The following IFNAR1 variants were observed in gnomAD, a reference collection of about 807,000 sequenced individuals.
IFNAR1 encodes interferon alpha/beta receptor 1.
Under a neutral mutation model 62.1 loss-of-function variants are expected in IFNAR1, and 47 were observed. The ratio of observed to expected loss-of-function variants is 0.76; its 90% CI spans 0.60 to 0.97. The LOEUF is 0.97. Among genes scored for constraint, IFNAR1 ranks in the 50% least tolerant of loss-of-function variants. IFNAR1 has a pLI of 0.00. For missense variants in IFNAR1, 638 were observed against 654.5 expected (o/e 0.97, Z 0.27); for synonymous variants, 219 against 226.9 (o/e 0.97, Z 0.31).
intron 1 of IFNAR1, 46 bp from the exon 2 acceptor site, chr21:33,335,478 C>A (rs1458735243): frequency 2.7e-6 from 3 of 1,127,226 alleles, no homozygotes; most frequent in East Asian, 2.5e-5. Context: ...TTTAGAATAT[C>A]TGTACAGTTT....
chr21:33,334,438 AAAAAC>A, intron 1 of IFNAR1: 1 of 295,834 alleles, frequency 3.4e-6, no homozygotes, highest in Non-Finnish European at 6.7e-6. Flanking sequence ...AAGTGCTAAA[AAAAAC>A]AAAACCAAAA....
At chr21:33,354,080 C>T (rs1403525086) in intron 10 of IFNAR1, among the ~76,000 whole-genome samples, 3 of 152,102 alleles carry the variant, frequency 2.0e-5, no homozygotes, top group Admixed American at 6.5e-5. Flanking sequence ...TGGTGGCTCA[C>T]GCCTGTAATC....
intron 2 of IFNAR1, among the ~76,000 whole-genome samples, chr21:33,340,392 C>G (rs571376099): frequency 2.0e-5 from 3 of 152,110 alleles, no homozygotes; most frequent in Non-Finnish European, 4.4e-5. Context: ...TGCTCGGTTG[C>G]TGAGGCTGGA....
intron 2 of IFNAR1, among the ~76,000 whole-genome samples, chr21:33,336,323 T>C (rs2123670576): frequency 7.6e-6 from 1 of 131,192 alleles, no homozygotes; most frequent in Non-Finnish European, 1.6e-5. Context: ...CAGTCTATCA[T>C]TGTTGGACAT....
At chr21:33,335,424 A>T in intron 1 of IFNAR1, 100 bp from the exon 2 acceptor site, 1 of 597,800 alleles carries the variant, frequency 1.7e-6, no homozygotes, top group Non-Finnish European at 2.8e-6. Context: ...ATTATGTTTC[A>T]CTGTATTCAT....
At chr21:33,353,553 A>T in intron 9 of IFNAR1, 85 bp from the exon 10 acceptor site, 1 of 701,030 alleles carries the variant, frequency 1.4e-6, no homozygotes, top group Non-Finnish European at 2.4e-6. Context: ...TTCCTTTCAT[A>T]TGGCTAGTCT....
At chr21:33,337,369 T>C (rs2083248102) in intron 2 of IFNAR1, among the ~76,000 whole-genome samples, 1 of 152,104 alleles carries the variant, frequency 6.6e-6, no homozygotes, top group Non-Finnish European at 1.5e-5. Context: ...AGGAGGAATA[T>C]AGAAGGGAAC....
In IFNAR1 at chr21:33,352,922, A is replaced by G; in HGVS notation, c.1294+14A>G. 6.5e-7 allele frequency: 1 copy of G among 1,543,888 alleles called. No homozygotes were observed. The highest frequency in any genetic ancestry group is 8.8e-7 in the Non-Finnish European group (1 of 1,137,368). On this transcript the variant is annotated intron_variant, in intron 9 of 10. Transcript: ENST00000270139. The stretch of plus-strand genomic sequence containing the variant: ...AAACAAAACCAGGTCAGAATCTTTT[A>G]TTGTCTTTTTTAAAAATGTAGCTAG...
At chr21:33,334,459 A>AAAACCCT (rs1203556449) in intron 1 of IFNAR1, 2 of 308,274 alleles carry the variant, frequency 6.5e-6, no homozygotes, top group African/African-American at 4.4e-5. Context: ...CAAAAAACTC[A>AAAACCCT]AAACCCTGTA....
At chr21:33,353,361 G>C (rs1233158645) in intron 9 of IFNAR1, among the ~76,000 whole-genome samples, 1 of 152,106 alleles carries the variant, frequency 6.6e-6, no homozygotes, top group South Asian at 2.1e-4. Context: ...TAGTTGTATG[G>C]TGTAAAAGTG....
chr21:33,325,543 C>T (rs2083118951), intron 1 of IFNAR1, among the ~76,000 whole-genome samples: 1 of 152,146 alleles, frequency 6.6e-6, no homozygotes, highest in Admixed American at 6.6e-5. Context: ...CTAAGTGTGG[C>T]CAGGATTTCT....
chr21:33,333,816 G>A (rs2123664390), intron 1 of IFNAR1, among the ~76,000 whole-genome samples: 1 of 151,716 alleles, frequency 6.6e-6, no homozygotes, highest in Admixed American at 6.6e-5. Flanking sequence ...GTAGAGACGG[G>A]GTTTCACCGT....
intron 2 of IFNAR1, among the ~76,000 whole-genome samples, chr21:33,340,541 T>G (rs2083284075): frequency 6.6e-6 from 1 of 151,698 alleles, no homozygotes; most frequent in East Asian, 1.9e-4. Flanking sequence ...TTTTTTTTTT[T>G]ATTTCTCATA....
rs370797415 is a variant in IFNAR1, at chr21:33,325,030, C to A, written c.-26C>A. 4 of 1,575,258 alleles carry A rather than the reference C, an allele frequency of 2.5e-6. No homozygotes were observed. Among genetic ancestry groups the A allele is most frequent in the Non-Finnish European group, 3.4e-6 (4 of 1,160,500 alleles). ...GAGCTGCGCGTGCGCGAACATGTAACTGGTGGGATCTGCGGCGGCTCCCAG... is the reference window on the plus strand; with the variant it reads ...GAGCTGCGCGTGCGCGAACATGTAAATGGTGGGATCTGCGGCGGCTCCCAG... On this transcript the variant is annotated 5_prime_UTR_variant, in exon 1 of 11. In the 5' UTR this introduces an upstream ATG that the reference lacks. Transcript: ENST00000270139.
At chr21:33,350,722 C>T (rs2083390219) in intron 8 of IFNAR1, among the ~76,000 whole-genome samples, 2 of 152,156 alleles carry the variant, frequency 1.3e-5, no homozygotes, top group African/African-American at 4.8e-5. Context: ...GAAATCTAAG[C>T]AAATTCCATT....
intron 1 of IFNAR1, chr21:33,334,866 A>G (rs1253418343): frequency 3.3e-6 from 4 of 1,228,018 alleles, no homozygotes; most frequent in Non-Finnish European, 4.8e-6. Flanking sequence ...GATGCAGTTA[A>G]CACAGAGGGG....
At chr21:33,338,416 C>G (rs146893327) in intron 2 of IFNAR1, among the ~76,000 whole-genome samples, 10,390 of 151,422 alleles carry the variant, frequency 0.069, 419 homozygotes, top group Middle Eastern at 0.13. Flanking sequence ...GTGCTGTAAT[C>G]CCACCTACTT....
At position 33,335,505 on chromosome 21, in the gene IFNAR1, T is replaced by C. The variant is rs1203676030; in HGVS notation, c.77-19T>C. The C allele has an allele frequency of 2.0e-6, 3 of 1,490,232 alleles. No homozygotes were observed. Among genetic ancestry groups the C allele is most frequent in the African/African-American group, 1.4e-5 (1 of 72,018 alleles). 92.3% of individuals were successfully genotyped at this position (1,490,232 alleles called of 1,614,324 possible). On this transcript the variant is annotated intron_variant, in intron 1 of 10. Transcript: ENST00000270139. ...GTACAGTTTGTATATAATGTTCTTA[T>C]TTCTTGTTGCTTTTATAGGTGGAAA... is the stretch of plus-strand genomic sequence containing the variant.
At chr21:33,346,282 G>A (rs996558341) in intron 6 of IFNAR1, among the ~76,000 whole-genome samples, 1 of 152,118 alleles carries the variant, frequency 6.6e-6, no homozygotes, top group East Asian at 1.9e-4. Context: ...GAGAGCAAAG[G>A]CAAGTATAGC....
Sources: gnomAD v4.1 joint callset for allele counts (sites outside exome capture counted in the v4.1 genomes callset) on GRCh38, gnomAD v4.1.1 for gene constraint, MANE v1.5 for transcripts, NCBI Gene and HGNC (gene_info 2026-07-23, HGNC 2026-07-21) for gene names.